Variants in DNASE1L3 observed in about 807,000 individuals in gnomAD.
DNASE1L3 encodes deoxyribonuclease gamma.
DNASE1L3 carries 27 observed loss-of-function variants against 30.9 expected under a neutral mutation model. The ratio of observed to expected loss-of-function variants is 0.87; its 90% CI spans 0.64 to 1.20. The LOEUF (loss-of-function observed/expected upper bound fraction) is 1.20, where lower values mean the gene tolerates loss of function less well. Among genes scored for constraint, DNASE1L3 ranks in the 50% most tolerant of loss-of-function variants. DNASE1L3 has a pLI of 0.00. For missense variants in DNASE1L3, 364 were observed against 378.2 expected, an observed-to-expected ratio of 0.96 and a Z score of 0.31; for synonymous variants, 135 against 138.0, an observed-to-expected ratio of 0.98 and a Z score of 0.15.
At chr3:58,198,029 C>T (rs1466519919) in intron 5 of DNASE1L3, 51 bp from the exon 6 acceptor site, 4 of 1,561,468 alleles carry the variant, frequency 2.6e-6, no homozygotes, top group Non-Finnish European at 3.5e-6. Context: ...CTGCAGAATG[C>T]TTTCACACTG....
intron 4 of DNASE1L3, among the ~76,000 whole-genome samples, chr3:58,201,872 T>C (rs2097400758): frequency 6.6e-6 from 1 of 152,242 alleles, no homozygotes; most frequent in African/African-American, 2.4e-5. Flanking sequence ...CTGCAGAAAG[T>C]AAAATTGGCT....
In DNASE1L3 at chr3:58,192,651, A is replaced by T; in HGVS notation, c.*36T>A. 6.3e-7 allele frequency: 1 copy of T among 1,586,666 alleles called. No homozygotes were observed. Among genetic ancestry groups the T allele is most frequent in the Non-Finnish European group, 8.6e-7 (1 of 1,163,622 alleles). ...TATCTGTTAGAGACATTTTATTTAG[A>T]GGCAAGAAATGGTTAATAAGATGAG... On this transcript the variant is annotated 3_prime_UTR_variant, in exon 8 of 8. Coordinates refer to ENST00000394549, the MANE Select transcript of DNASE1L3 (RefSeq NM_004944.4). The surrounding 1 kb of genome is among the most constrained non-coding windows in gnomAD (Gnocchi z 4.8).
chr3:58,193,522 G>A (rs2097395429), intron 6 of DNASE1L3, 83 bp from the exon 7 acceptor site: 7 of 1,243,742 alleles, frequency 5.6e-6, no homozygotes, highest in Non-Finnish European at 8.1e-6. Flanking sequence ...TTGCTGTCTG[G>A]AATTAACCGA....
chr3:58,207,343 G>C (rs1413509602), intron 2 of DNASE1L3, among the ~76,000 whole-genome samples: 1 of 151,948 alleles, frequency 6.6e-6, no homozygotes, highest in Admixed American at 6.6e-5. Context: ...CTGCATACCA[G>C]CCTGGGCAAC....
At chr3:58,209,835 C>G (rs908544508) in intron 1 of DNASE1L3, among the ~76,000 whole-genome samples, 1 of 152,216 alleles carries the variant, frequency 6.6e-6, no homozygotes, top group African/African-American at 2.4e-5. Flanking sequence ...CTCCTGGCCC[C>G]CCTACCACAC....
chr3:58,194,477 G>A (rs1438815651), intron 6 of DNASE1L3, among the ~76,000 whole-genome samples: 3 of 151,660 alleles, frequency 2.0e-5, no homozygotes, highest in Non-Finnish European at 1.5e-5. Flanking sequence ...GTGCCACCAC[G>A]CCTGGCTAAT....
rs1342470880 is a variant in DNASE1L3, at chr3:58,192,689, A to T, written c.916T>A (p.Ter306LysextTer39). Residue 306 changes from the stop codon to lysine, a stop_lost, in exon 8 of 8, where the codon TAG becomes AAG. Transcript: ENST00000394549. This position sits in a 1 kb window ranked among gnomAD's most constrained non-coding sequence, Gnocchi z 4.8. ...TTAATAAGATGAGACCCTTGGGTCT[A>T]GGAGCGTTTGCTCTTTGTTTTCTTC... ...LRKKTKSKRS* is the reference protein window; with the variant it reads ...LRKKTKSKRSK 1 of 1,613,884 alleles carries T rather than the reference A, an allele frequency of 6.2e-7. No individual in the cohort carries two copies.
At chr3:58,202,995 T>C (rs1196069128) in intron 4 of DNASE1L3, among the ~76,000 whole-genome samples, 1 of 152,234 alleles carries the variant, frequency 6.6e-6, no homozygotes, top group Non-Finnish European at 1.5e-5. Context: ...GTTGGAGGAC[T>C]GAGAGCCTGA....
At chr3:58,199,124 A>G (rs4681818) in intron 5 of DNASE1L3, among the ~76,000 whole-genome samples, 116,918 of 152,152 alleles carry the variant, frequency 0.77, 45,951 homozygotes, top group East Asian at 1. Flanking sequence ...AATTTTCCCC[A>G]TGATTGATGG....
intron 5 of DNASE1L3, among the ~76,000 whole-genome samples, chr3:58,198,398 G>A (rs1042839709): frequency 4.6e-5 from 7 of 152,172 alleles, no homozygotes; most frequent in African/African-American, 1.7e-4. Context: ...CTTGTTCTGG[G>A]ACTCCAGCCT....
In DNASE1L3 at chr3:58,210,930, ACT is replaced by A. The variant is rs767041529; in HGVS notation, c.-26_-25del. ...ATCCTGGCGCTGCTCTGGCTTCAAG[ACT>A]CTGTGAGAAGACAGCAGTGCTTGGA... On this transcript the variant is annotated 5_prime_UTR_variant, in exon 1 of 8. Coordinates refer to ENST00000394549, the MANE Select transcript of DNASE1L3 (RefSeq NM_004944.4). 4.8e-5 allele frequency: 78 copies of A among 1,612,238 alleles called. 1 individual carries two copies. The highest frequency in any genetic ancestry group is 1.8e-4 in the East Asian group (8 of 44,846).
chr3:58,194,211 G>T (rs972605851), intron 6 of DNASE1L3, among the ~76,000 whole-genome samples: 1 of 152,036 alleles, frequency 6.6e-6, no homozygotes, highest in Non-Finnish European at 1.5e-5. Context: ...CCGAGGAATG[G>T]CAAGGTGAGT....
intron 3 of DNASE1L3, 82 bp from the exon 4 acceptor site, chr3:58,204,963 T>C (rs1304807276): frequency 3.0e-6 from 4 of 1,339,128 alleles, no homozygotes; most frequent in Non-Finnish European, 4.2e-6. Flanking sequence ...TAGGTTCCCA[T>C]GGCTTTCTCA....
chr3:58,200,376 G>GTGGC lies in DNASE1L3; in HGVS notation c.546+617_546+620dup, dbSNP rs1201482157. Among the ~76,000 whole-genome samples the GTGGC allele has an allele frequency of 6.6e-6, 1 of 152,168 alleles. No individual in the cohort carries two copies. Among genetic ancestry groups the GTGGC allele is most frequent in the Non-Finnish European group, 1.5e-5 (1 of 68,030 alleles). The stretch of plus-strand genomic sequence containing the variant: ...ATTTATTTTGGTCTGGAGGCTGCTG[G>GTGGC]TGGCTGTCCTGCCATCCCAGGGATG... On this transcript the variant is annotated intron_variant, in intron 5 of 7. Transcript: ENST00000394549. The surrounding 1 kb of genome is among the most constrained non-coding windows in gnomAD (Gnocchi z 4.2).
At chr3:58,204,924 T>C (rs1367331229) in intron 3 of DNASE1L3, 43 bp from the exon 4 acceptor site, 2 of 1,578,014 alleles carry the variant, frequency 1.3e-6, no homozygotes, top group South Asian at 2.2e-5. Flanking sequence ...AGTCAGCCCT[T>C]TTCTTACTAC....
Position 58,192,460 on chromosome 3 carries a change from G to T in DNASE1L3, c.*227C>A. On this transcript the variant is annotated 3_prime_UTR_variant, in exon 8 of 8. Transcript: ENST00000394549. The surrounding 1 kb of genome is among the most constrained non-coding windows in gnomAD (Gnocchi z 4.8). ...CTCAGGGCATGAAGATCATCATTTT[G>T]GTCTACAAATGCCCCTGGTTCCCTT... 1 of 378,430 alleles carries T rather than the reference G, an allele frequency of 2.6e-6. No individual in the cohort carries two copies. The highest frequency in any genetic ancestry group is 4.7e-6 in the Non-Finnish European group (1 of 211,488). 23.4% of individuals were successfully genotyped at this position (378,430 alleles called of 1,614,324 possible). A position where few individuals can be genotyped will look rare whatever the true frequency, so the allele number is the denominator to read the frequency against.
intron 6 of DNASE1L3, among the ~76,000 whole-genome samples, chr3:58,195,611 T>TAAA (rs1195084305): frequency 1.1e-3 from 10 of 8,886 alleles, no homozygotes; most frequent in African/African-American, 4.6e-3. Flanking sequence ...CTACTAAAAT[T>TAAA]ACAAAAAAAA....
chr3:58,198,899 G>T (rs1471040124), intron 5 of DNASE1L3, among the ~76,000 whole-genome samples: 1 of 152,062 alleles, frequency 6.6e-6, no homozygotes, highest in Non-Finnish European at 1.5e-5. Flanking sequence ...CAGGGGAGGG[G>T]ACCATTGAGT....
At chr3:58,198,092 T>A in intron 5 of DNASE1L3, 114 bp from the exon 6 acceptor site, 1 of 1,240,140 alleles carries the variant, frequency 8.1e-7, no homozygotes, top group Non-Finnish European at 1.1e-6. Context: ...GGGTCTGTTA[T>A]GGGCTGAATC....
Sources: gnomAD v4.1 joint callset for allele counts (sites outside exome capture counted in the v4.1 genomes callset) on GRCh38, gnomAD v4.1.1 for gene constraint, Gnocchi (gnomAD v3.1) non-coding constraint, MANE v1.5 for transcripts, NCBI Gene and HGNC (gene_info 2026-07-23, HGNC 2026-07-21) for gene names.